Variants in TNRC18 observed in about 807,000 individuals in gnomAD.
TNRC18 encodes the protein trinucleotide repeat containing 18, also known as trinucleotide repeat-containing gene 18 protein.
A neutral mutation model predicts 226.7 loss-of-function variants in TNRC18; 69 were observed. The observed-to-expected ratio is 0.30, with a 90% CI of 0.25 to 0.37. The LOEUF is 0.37. TNRC18 is among the 10% of genes least tolerant of loss of function. TNRC18 has a pLI of 1.00. For missense variants in TNRC18, 4,754 were observed against 4,256.6 expected (o/e 1.12, Z -3.25); for synonymous variants, 2,449 against 1,927.6 (o/e 1.27, Z -7.09).
intron 18 of TNRC18, among the ~76,000 whole-genome samples, chr7:5,338,308 A>G (rs1790321591): frequency 6.6e-6 from 1 of 152,168 alleles, no homozygotes; most frequent in Non-Finnish European, 1.5e-5. Flanking sequence ...AAAGACTAAG[A>G]CACTAATAAA....
Position 5,356,989 on chromosome 7 carries a change from C to G in TNRC18, c.5121G>C (p.Val1707=). The change falls in exon 16 of 30, where the codon GTG becomes GTC. Residue 1707 remains valine, a synonymous_variant. Transcript: ENST00000430969. The part of the protein sequence containing the change: ...KRAAKTRKME[V]GFKARGQPKS... ...TGGGCTGGCCTCTGGCCTTGAACCC[C>G]ACCTCCATCTTCCTGGTTTTGGCTG... The G allele has an allele frequency of 3.2e-6, 5 of 1,552,222 alleles. No individual in the cohort carries two copies. The highest frequency in any genetic ancestry group is 4.4e-6 in the Non-Finnish European group (5 of 1,147,108).
At position 5,309,462 on chromosome 7, in the gene TNRC18, G is replaced by C; in HGVS notation, c.8389-94C>G. On this transcript the variant is annotated intron_variant, in intron 27 of 29. Coordinates refer to ENST00000430969, the MANE Select transcript of TNRC18 (RefSeq NM_001080495.3). The surrounding 1 kb of genome is among the most constrained non-coding windows in gnomAD (Gnocchi z 5.7). The stretch of plus-strand genomic sequence containing the variant: ...CTGCCGCTTGGGACTCTGGGCCCTC[G>C]GCCTCTAAATCAACCCCTATCCAAC... 1 of 1,158,334 alleles carries C rather than the reference G, an allele frequency of 8.6e-7. No homozygotes were observed. The highest frequency in any genetic ancestry group is 1.2e-6 in the Non-Finnish European group (1 of 822,134). 71.8% of individuals were successfully genotyped at this position (1,158,334 alleles called of 1,614,324 possible).
At chr7:5,336,423 C>A (rs950453536) in intron 18 of TNRC18, among the ~76,000 whole-genome samples, 1 of 152,116 alleles carries the variant, frequency 6.6e-6, no homozygotes, top group African/African-American at 2.4e-5. Flanking sequence ...AAAGAAACAA[C>A]AGAAAAGAAC....
chr7:5,404,535 G>C (rs954290574), intron 2 of TNRC18, among the ~76,000 whole-genome samples: 1 of 152,108 alleles, frequency 6.6e-6, no homozygotes, highest in Non-Finnish European at 1.5e-5. Flanking sequence ...GGAGGGCGCT[G>C]GGTGGTTAGC....
rs1301954550 is a variant in TNRC18, at chr7:5,307,297, A to AAAG, written c.*806_*808dup. 6.6e-6 allele frequency: 1 copy of AAAG among 151,416 alleles called. No individual in the cohort carries two copies. The allele number at this position is 151,416 out of a possible 1,614,324, so 9.4% of individuals were successfully genotyped here. ...TATTTATCTTTATATATATAATTAA[A>AAAG]AAGTTGACTCCATTTAAAGGCTTAT... On this transcript the variant is annotated 3_prime_UTR_variant, in exon 30 of 30. Transcript: ENST00000430969.
At chr7:5,323,537 C>G (rs1272553618) in intron 21 of TNRC18, among the ~76,000 whole-genome samples, 1 of 151,260 alleles carries the variant, frequency 6.6e-6, no homozygotes, top group Admixed American at 6.6e-5. Flanking sequence ...TTCCCTGGGG[C>G]CCCCACTCGT....
chr7:5,379,462 G>A (rs1008557462), intron 5 of TNRC18, among the ~76,000 whole-genome samples: 1 of 152,190 alleles, frequency 6.6e-6, no homozygotes, highest in Non-Finnish European at 1.5e-5. Context: ...TTGGGTGGAG[G>A]GGGTGGCCTT....
chr7:5,336,009 C>T (rs1433131206), intron 18 of TNRC18, among the ~76,000 whole-genome samples: 1 of 151,846 alleles, frequency 6.6e-6, no homozygotes, highest in Admixed American at 6.6e-5. Flanking sequence ...GAGTTTGAGA[C>T]CAGCCTGGCC....
intron 14 of TNRC18, 134 bp downstream of exon 14, chr7:5,361,460 G>T (rs1793040195): frequency 1.8e-6 from 2 of 1,120,266 alleles, no homozygotes; most frequent in Non-Finnish European, 2.4e-6. Context: ...CTCCCCGAGG[G>T]CCACTGCTGC....
intron 2 of TNRC18, among the ~76,000 whole-genome samples, chr7:5,413,593 G>A (rs529821832): frequency 7.2e-5 from 11 of 152,254 alleles, no homozygotes; most frequent in South Asian, 2.1e-4. Context: ...GCAGTGGTGC[G>A]ACCACAACTC....
In TNRC18 at chr7:5,309,655, C is replaced by T. The variant is rs562632788; in HGVS notation, c.8389-287G>A. 5.3e-5 allele frequency among the ~76,000 whole-genome samples: 8 copies of T among 152,182 alleles called. No individual in the cohort carries two copies. The highest frequency in any genetic ancestry group is 1.0e-4 in the Non-Finnish European group (7 of 68,034). ...TCTCCCTCTGTTGCCCAGGCTGGAG[C>T]GCAGTGGCGCCATCATGACTCACTG... On this transcript the variant is annotated intron_variant, in intron 27 of 29. Coordinates refer to ENST00000430969, the MANE Select transcript of TNRC18 (RefSeq NM_001080495.3). The surrounding 1 kb of genome is among the most constrained non-coding windows in gnomAD (Gnocchi z 5.7).
intron 11 of TNRC18, among the ~76,000 whole-genome samples, chr7:5,366,169 G>A (rs1182900217): frequency 1.3e-5 from 2 of 151,882 alleles, no homozygotes; most frequent in Non-Finnish European, 2.9e-5. Flanking sequence ...TGCCTTCACT[G>A]TAGGGTGTCT....
At chr7:5,361,127 CGAG>C (rs1488874127) in intron 14 of TNRC18, among the ~76,000 whole-genome samples, 1 of 152,176 alleles carries the variant, frequency 6.6e-6, no homozygotes, top group Non-Finnish European at 1.5e-5. Context: ...GACCGCCGCC[CGAG>C]GAGGAGAAGC....
intron 2 of TNRC18, chr7:5,420,749 A>T (rs1406712287): frequency 1.7e-6 from 1 of 606,022 alleles, no homozygotes; most frequent in Non-Finnish European, 3.1e-6. Context: ...GATTTTGAAA[A>T]CTCCAGCCCA....
At chr7:5,320,644 G>C (rs539405768) in intron 22 of TNRC18, 37 bp from the exon 23 acceptor site, 1 of 1,590,496 alleles carries the variant, frequency 6.3e-7, no homozygotes, top group Non-Finnish European at 8.6e-7. Flanking sequence ...GGCAGAGGCC[G>C]AGACCTCCCC....
chr7:5,355,150 G>A (rs1792222505), intron 16 of TNRC18, among the ~76,000 whole-genome samples: 1 of 152,182 alleles, frequency 6.6e-6, no homozygotes, highest in Admixed American at 6.5e-5. Context: ...CACAAACTTA[G>A]CACCTGTCCG....
At position 5,321,138 on chromosome 7, in the gene TNRC18, C is replaced by G; in HGVS notation, c.6495G>C (p.Val2165=). 1 of 1,554,892 alleles carries G rather than the reference C, an allele frequency of 6.4e-7. No homozygotes were observed. The highest frequency in any genetic ancestry group is 8.7e-7 in the Non-Finnish European group (1 of 1,150,028). ...DKDELKDGLR[V]LIPMDDKLLY... ...GCAGCTTGTCATCCATGGGGATGAG[C>G]ACACGCAGGCCGTCCTTCAGCTCAT... The change falls in exon 22 of 30, where the codon GTG becomes GTC. Residue 2165 remains valine (V), a synonymous_variant. Coordinates refer to ENST00000430969, the MANE Select transcript of TNRC18 (RefSeq NM_001080495.3).
chr7:5,415,502 C>G (rs930608625), intron 2 of TNRC18, among the ~76,000 whole-genome samples: 1 of 151,078 alleles, frequency 6.6e-6, no homozygotes, highest in African/African-American at 2.4e-5. Flanking sequence ...TCAGCCTCCC[C>G]GAGTAGCTGG....
chr7:5,376,238 G>C lies in TNRC18; in HGVS notation c.2609-14C>G, dbSNP rs190075412. On this transcript the variant is annotated splice_polypyrimidine_tract_variant and intron_variant, in intron 8 of 29. Coordinates refer to ENST00000430969, the MANE Select transcript of TNRC18 (RefSeq NM_001080495.3). ...CCATCAGCTCCGCTGCAGGGACAGAGACAGTGCGCTGCACCTGCGGCCTGA... is the reference window on the plus strand; with the variant it reads ...CCATCAGCTCCGCTGCAGGGACAGACACAGTGCGCTGCACCTGCGGCCTGA... 36 of 1,474,894 alleles carry C rather than the reference G, an allele frequency of 2.4e-5. No homozygotes were observed. The African/African-American group carries it at 4.1e-4, about 17-fold the overall frequency. 91.4% of individuals were successfully genotyped at this position (1,474,894 alleles called of 1,614,324 possible). A position where few individuals can be genotyped will look rare whatever the true frequency, so the allele number is the denominator to read the frequency against.
Sources: allele counts gnomAD v4.1 joint callset (sites outside exome capture counted in the v4.1 genomes callset), GRCh38; gene constraint gnomAD v4.1.1; non-coding constraint Gnocchi (gnomAD v3.1); transcripts MANE v1.5; gene names NCBI Gene and HGNC (gene_info 2026-07-23, HGNC 2026-07-21).